The following COL19A1 variants were observed in gnomAD, a reference collection of about 807,000 sequenced individuals.
The protein encoded by COL19A1 is collagen type XIX alpha 1 chain.
In COL19A1, 159 loss-of-function variants were observed where a neutral mutation model predicts 190.2. The ratio of observed to expected loss-of-function variants is 0.84; its 90% CI spans 0.73 to 0.95. The LOEUF (loss-of-function observed/expected upper bound fraction) is 0.95, where lower values mean the gene tolerates loss of function less well. Ranked by LOEUF, COL19A1 falls within the 40% of genes least tolerant of loss-of-function variation. The pLI is 0.00. For synonymous variants in COL19A1, 509 were observed against 458.9 expected (o/e 1.11, Z -1.39); for missense variants, 1,418 against 1,431.9 (o/e 0.99, Z 0.16).
chr6:70,082,800 A>C (rs1232371599), intron 15 of COL19A1, among the ~76,000 whole-genome samples: 3 of 152,182 alleles, frequency 2.0e-5, no homozygotes, highest in Non-Finnish European at 4.4e-5. Flanking sequence ...AGATTTTTCA[A>C]GGACTGGGGT....
chr6:69,989,162 C>A (rs535987413), intron 11 of COL19A1, among the ~76,000 whole-genome samples: 1 of 152,120 alleles, frequency 6.6e-6, no homozygotes, highest in Admixed American at 6.6e-5. Context: ...AAGTTTTTTA[C>A]CCACTAATTT....
chr6:70,141,188 A>T (rs934373287), intron 20 of COL19A1, among the ~76,000 whole-genome samples, 199 bp downstream of exon 20: 1 of 152,098 alleles, frequency 6.6e-6, no homozygotes, highest in African/African-American at 2.4e-5. Context: ...GTTGTCATGC[A>T]AGGAGACTTC....
chr6:70,018,298 G>A (rs1778229479), intron 11 of COL19A1, among the ~76,000 whole-genome samples: 2 of 152,064 alleles, frequency 1.3e-5, no homozygotes, highest in Non-Finnish European at 2.9e-5. Flanking sequence ...TTGGTAGAAA[G>A]CAAGGTTTTT....
chr6:70,066,604 A>G (rs545060080), intron 14 of COL19A1, among the ~76,000 whole-genome samples: 16 of 151,794 alleles, frequency 1.1e-4, no homozygotes, highest in Non-Finnish European at 1.9e-4. Flanking sequence ...TAATAAAACT[A>G]TATATATATA....
chr6:70,206,761 C>T, intron 49 of COL19A1, 140 bp from the exon 50 acceptor site: 2 of 639,616 alleles, frequency 3.1e-6, no homozygotes, highest in Non-Finnish European at 2.6e-6. Flanking sequence ...GTGGTTAATG[C>T]AAAACAGTTA....
At chr6:69,929,754 A>AG in intron 6 of COL19A1, 54 bp downstream of exon 6, 1 of 1,496,724 alleles carries the variant, frequency 6.7e-7, no homozygotes, top group South Asian at 1.4e-5. Flanking sequence ...GTAAAAAAAA[A>AG]ATCTTATTAA....
At chr6:70,068,174 C>T (rs770278134) in intron 14 of COL19A1, among the ~76,000 whole-genome samples, 15 of 151,836 alleles carry the variant, frequency 9.9e-5, no homozygotes, top group Non-Finnish European at 1.0e-4. Context: ...TCTTCACTGG[C>T]GGTGAACATT....
intron 16 of COL19A1, among the ~76,000 whole-genome samples, chr6:70,119,871 A>C (rs754596746): frequency 1.3e-5 from 2 of 152,198 alleles, no homozygotes; most frequent in South Asian, 4.1e-4. Context: ...CAGGTGGATC[A>C]CTTGAGGTCA....
rs1356742589 is a variant in COL19A1, at chr6:70,161,996, C to G, written c.2346+43C>G. 12 of 1,539,188 alleles carry G rather than the reference C, an allele frequency of 7.8e-6. No individual in the cohort carries two copies. The South Asian group carries it at 1.1e-4, about 14-fold the overall frequency. ...CGATTGCACTCACAGCTTATATCTG[C>G]TGGTTTGATGCAAGGTGAATTAATT... On this transcript the variant is annotated intron_variant, in intron 35 of 50. Coordinates refer to ENST00000620364, the MANE Select transcript of COL19A1 (RefSeq NM_001858.6).
rs149776439 is a variant in COL19A1, at chr6:69,946,854, T to C, written c.936+8754T>C. ...AGGAAAATATACAGAACAAGTCCTA[T>C]AGTTTAGAGGTAATCAAACTGTGGC... On this transcript the variant is annotated intron_variant, in intron 9 of 50. Transcript: ENST00000620364. Among the ~76,000 whole-genome samples, 550 of 152,008 alleles carry C rather than the reference T, an allele frequency of 3.6e-3. 2 individuals carry two copies. The highest frequency in any genetic ancestry group is 6.7e-3 in the Admixed American group (102 of 15,206).
At chr6:70,093,174 A>C (rs754354904) in intron 15 of COL19A1, among the ~76,000 whole-genome samples, 36 of 152,166 alleles carry the variant, frequency 2.4e-4, no homozygotes, top group Non-Finnish European at 4.3e-4. Flanking sequence ...ATTCTCAGAC[A>C]GGAAGGCAAT....
intron 15 of COL19A1, among the ~76,000 whole-genome samples, chr6:70,091,201 C>T (rs1418388282): frequency 1.3e-5 from 2 of 152,084 alleles, no homozygotes; most frequent in African/African-American, 2.4e-5. Context: ...TGCCTGGATT[C>T]GAGTCTTAAC....
At chr6:70,024,990 T>C (rs140196495) in intron 12 of COL19A1, among the ~76,000 whole-genome samples, 68 of 152,068 alleles carry the variant, frequency 4.5e-4, no homozygotes, top group Admixed American at 1.2e-3. Context: ...AGATCACTTC[T>C]CAGAGTCTGT....
intron 33 of COL19A1, 28 bp from the exon 34 acceptor site, chr6:70,156,642 G>A (rs1413238604): frequency 1.9e-6 from 3 of 1,608,678 alleles, no homozygotes; most frequent in Non-Finnish European, 2.5e-6. Flanking sequence ...ATGATTGCAT[G>A]TGCTAGCTGA....
chr6:70,037,582 C>T (rs935294597), intron 14 of COL19A1, among the ~76,000 whole-genome samples: 13 of 152,172 alleles, frequency 8.5e-5, no homozygotes, highest in Non-Finnish European at 1.6e-4. Flanking sequence ...GTTAAACCTG[C>T]TCATTTTATG....
chr6:70,169,583 G>T (rs1179740004), intron 40 of COL19A1, among the ~76,000 whole-genome samples: 1 of 152,128 alleles, frequency 6.6e-6, no homozygotes, highest in African/African-American at 2.4e-5. Flanking sequence ...ATGCATTAAA[G>T]AGCTGTTTGA....
intron 15 of COL19A1, among the ~76,000 whole-genome samples, chr6:70,077,053 T>C (rs907070037): frequency 6.6e-6 from 1 of 152,114 alleles, no homozygotes; most frequent in Non-Finnish European, 1.5e-5. Context: ...TTTTCAGAAA[T>C]GCAAAACATT....
In COL19A1 at chr6:70,180,195, A is replaced by G. The variant is rs1232835108; in HGVS notation, c.2668-117A>G. On this transcript the variant is annotated intron_variant, in intron 42 of 50. Transcript: ENST00000620364. ...GCCACCACACCTGGCCAGAAATGCC[A>G]CTGGAGAGCATCACCCTTGGGAGCA... 20 of 1,137,692 alleles carry G rather than the reference A, an allele frequency of 1.8e-5. No individual in the cohort carries two copies. The Admixed American group carries it at 3.7e-4, about 21-fold the overall frequency. The allele number at this position is 1,137,692 out of a possible 1,614,324, so 70.5% of individuals were successfully genotyped here. A position where few individuals can be genotyped will look rare whatever the true frequency, so the allele number is the denominator to read the frequency against.
At position 70,156,582 on chromosome 6, in the gene COL19A1, C is replaced by A. The variant is rs954503935; in HGVS notation, c.2239-88C>A. The A allele has an allele frequency of 5.7e-6, 8 of 1,400,262 alleles. No individual in the cohort carries two copies. In the East Asian group the frequency reaches 1.7e-4, roughly 29 times the overall value. The allele number at this position is 1,400,262 out of a possible 1,614,324, so 86.7% of individuals were successfully genotyped here. A position where few individuals can be genotyped will look rare whatever the true frequency, so the allele number is the denominator to read the frequency against. On this transcript the variant is annotated intron_variant, in intron 33 of 50. Transcript: ENST00000620364. ...TCCCTGACCCTGTCCAAATTACATG[C>A]CCCAAGTGTTCTTAGAAGAGATTTT...
Sources: allele counts gnomAD v4.1 joint callset (sites outside exome capture counted in the v4.1 genomes callset), GRCh38; gene constraint gnomAD v4.1.1; transcripts MANE v1.5; gene names NCBI Gene and HGNC (gene_info 2026-07-23, HGNC 2026-07-21).